Variants in INHBC observed in about 807,000 individuals in gnomAD.
The protein encoded by INHBC is inhibin subunit beta C.
INHBC carries 10 observed loss-of-function variants against 12.4 expected under a neutral mutation model. That is an observed-to-expected ratio of 0.81 (90% CI 0.50 to 1.37). The LOEUF is 1.37. Among genes scored for constraint, INHBC ranks in the 40% most tolerant of loss-of-function variants. The probability of loss-of-function intolerance (pLI) is 0.00; values close to 1 mark genes in which losing one functional copy is unlikely to be tolerated. For synonymous variants in INHBC, 147 were observed against 171.6 expected (o/e 0.86, Z 1.12); for missense variants, 382 against 439.4 (o/e 0.87, Z 1.17).
chr12:57,447,148 A>G (rs944388317), intron 1 of INHBC, among the ~76,000 whole-genome samples: 34 of 146,576 alleles, frequency 2.3e-4, no homozygotes, highest in African/African-American at 7.8e-4. Context: ...CTGGTGAGAC[A>G]AGGTATAGGG....
At chr12:57,445,492 A>AGAGGAT (rs1870553695) in intron 1 of INHBC, among the ~76,000 whole-genome samples, 1 of 152,244 alleles carries the variant, frequency 6.6e-6, no homozygotes, top group African/African-American at 2.4e-5. Flanking sequence ...ATTTCAAAGT[A>AGAGGAT]GAGGATAAAC....
chr12:57,443,596 T>C lies in INHBC; in HGVS notation c.314-5681T>C, dbSNP rs528936900. On this transcript the variant is annotated intron_variant, in intron 1 of 1. Coordinates refer to ENST00000309668, the MANE Select transcript of INHBC (RefSeq NM_005538.4). ...ACTGCGCCGGGCCTCATAAAACATT[T>C]TTCACTTAAAAAAAAAAATGGCTAA... 2.1e-4 allele frequency among the ~76,000 whole-genome samples: 32 copies of C among 152,158 alleles called. No individual in the cohort carries two copies. In the East Asian group the frequency reaches 6.0e-3, roughly 29 times the overall value.
rs1176904215 is a variant in INHBC at position 57,450,584 on chromosome 12, C to G, written c.*562C>G. The stretch of plus-strand genomic sequence containing the variant: ...TGTCCAGGTGAACTACTAAAGCTCT[C>G]TTTGCATACCTTCATCCATTTTTTG... On this transcript the variant is annotated 3_prime_UTR_variant, in exon 2 of 2. Transcript: ENST00000309668. 6.6e-6 allele frequency: 1 copy of G among 152,316 alleles called. No homozygotes were observed. The highest frequency in any genetic ancestry group is 2.4e-5 in the African/African-American group (1 of 41,446). 9.4% of individuals were successfully genotyped at this position (152,316 alleles called of 1,614,324 possible).
At position 57,449,294 on chromosome 12, in the gene INHBC, C is replaced by G; in HGVS notation, c.331C>G (p.Gln111Glu). The G allele has an allele frequency of 3.1e-6, 5 of 1,613,556 alleles. No homozygotes were observed. The highest frequency in any genetic ancestry group is 3.4e-6 in the Non-Finnish European group (4 of 1,179,658). ...GTCCACAGGCCTCTCCACCATCAACCAGACTCGTCTTGATTTTCACTTCTC... is the reference window on the plus strand; with the variant it reads ...GTCCACAGGCCTCTCCACCATCAACGAGACTCGTCTTGATTTTCACTTCTC... ...FAETGLSTIN[Q>E]TRLDFHFSSD... The change falls in exon 2 of 2, where the codon CAG becomes GAG. Residue 111 changes from glutamine to glutamate, a missense_variant. Gln to Glu is a conservative substitution (Grantham distance 29). Coordinates refer to ENST00000309668, the MANE Select transcript of INHBC (RefSeq NM_005538.4).
chr12:57,434,793 C>T lies in INHBC; in HGVS notation c.-94C>T. The T allele has an allele frequency of 1.7e-6, 2 of 1,201,968 alleles. No homozygotes were observed. The highest frequency in any genetic ancestry group is 2.4e-5 in the East Asian group (1 of 41,252). 74.5% of individuals were successfully genotyped at this position (1,201,968 alleles called of 1,614,324 possible). ...CATGCCAGCTGGACACACACTTCTT[C>T]CAGGGCCTCTGGCAGCCAGGACAGA... is the stretch of plus-strand genomic sequence containing the variant. On this transcript the variant is annotated 5_prime_UTR_variant, in exon 1 of 2. Coordinates refer to ENST00000309668, the MANE Select transcript of INHBC (RefSeq NM_005538.4).
In INHBC at chr12:57,434,847, GC is replaced by G. The variant is rs1454305330; in HGVS notation, c.-37del. On this transcript the variant is annotated 5_prime_UTR_variant, in exon 1 of 2. Transcript: ENST00000309668. ...GAGACCACAGCTGTTGAGACCCTGA[GC>G]CCTGAGTCTGTATTGCTCAAGAAGG... The G allele has an allele frequency of 6.4e-7, 1 of 1,561,120 alleles. No individual in the cohort carries two copies. Among genetic ancestry groups the G allele is most frequent in the South Asian group, 1.2e-5 (1 of 83,196 alleles).
In INHBC at chr12:57,450,872, T is replaced by C. The variant is rs568344118; in HGVS notation, c.*850T>C. On this transcript the variant is annotated 3_prime_UTR_variant, in exon 2 of 2. Transcript: ENST00000309668. ...GGGTCCTAAAGGCTTTCTATCTTGC[T>C]AGTCCCTGGGGCCTCAACATCTCAT... The C allele has an allele frequency of 6.6e-6, 1 of 152,458 alleles. No homozygotes were observed. Among genetic ancestry groups the C allele is most frequent in the East Asian group, 1.9e-4 (1 of 5,196 alleles). The allele number at this position is 152,458 out of a possible 1,614,324, so 9.4% of individuals were successfully genotyped here. A position where few individuals can be genotyped will look rare whatever the true frequency, so the allele number is the denominator to read the frequency against.
rs1156981493 is a variant in INHBC, at chr12:57,449,427, T to C, written c.464T>C (p.Leu155Pro). ...TWTLKVRVLVLGPHNTNLTLA... is the reference protein window; with the variant it reads ...TWTLKVRVLVPGPHNTNLTLA... ...ACCTTGAAAGTGAGAGTCCTTGTGC[T>C]GGGTCCACATAATACCAACCTCACC... The change falls in exon 2 of 2, where the codon CTG becomes CCG. Residue 155 changes from leucine (L) to proline (P), a missense_variant. Physicochemically the swap from Leu to Pro is moderately conservative, Grantham distance 98. Coordinates refer to ENST00000309668, the MANE Select transcript of INHBC (RefSeq NM_005538.4). 1 of 1,614,210 alleles carries C rather than the reference T, an allele frequency of 6.2e-7. No homozygotes were observed. Among genetic ancestry groups the C allele is most frequent in the Admixed American group, 1.7e-5 (1 of 60,018 alleles).
rs1870717743 is a variant in INHBC, at chr12:57,451,821, C to T, written c.*1799C>T. On this transcript the variant is annotated 3_prime_UTR_variant, in exon 2 of 2. Transcript: ENST00000309668. ...TCTAAGGAGGCCTTCTGGTGTCTCC[C>T]CCACACATCCCCGACCCCCAGATCT... The T allele has an allele frequency of 2.2e-6, 1 of 455,494 alleles. No homozygotes were observed. The highest frequency in any genetic ancestry group is 2.0e-5 in the African/African-American group (1 of 49,970). The allele number at this position is 455,494 out of a possible 1,614,324, so 28.2% of individuals were successfully genotyped here.
chr12:57,441,525 C>CA (rs574320537), intron 1 of INHBC, among the ~76,000 whole-genome samples: 1,343 of 54,830 alleles, frequency 0.024, 27 homozygotes, highest in African/African-American at 0.064. Flanking sequence ...AACTCCGTCT[C>CA]AAAAAAAAAA....
At chr12:57,446,251 A>T (rs1204024258) in intron 1 of INHBC, among the ~76,000 whole-genome samples, 1 of 151,880 alleles carries the variant, frequency 6.6e-6, no homozygotes, top group African/African-American at 2.4e-5. Context: ...ATTTTTTTTT[A>T]ATTAAAAAAA....
intron 1 of INHBC, among the ~76,000 whole-genome samples, chr12:57,438,536 A>G (rs953009255): frequency 1.3e-5 from 2 of 152,226 alleles, no homozygotes; most frequent in Non-Finnish European, 2.9e-5. Flanking sequence ...TCTTTAGAGA[A>G]TGGTGGCCAG....
rs1870695589 is a variant in INHBC, at chr12:57,450,749, G to C, written c.*727G>C. The C allele has an allele frequency of 6.6e-6, 1 of 152,230 alleles. No homozygotes were observed. The highest frequency in any genetic ancestry group is 2.4e-5 in the African/African-American group (1 of 41,364). The allele number at this position is 152,230 out of a possible 1,614,324, so 9.4% of individuals were successfully genotyped here. A position where few individuals can be genotyped will look rare whatever the true frequency, so the allele number is the denominator to read the frequency against. On this transcript the variant is annotated 3_prime_UTR_variant, in exon 2 of 2. Transcript: ENST00000309668. ...CTCTCTGTCTAGGTGTCATGGTTCT[G>C]TGTAACTGTGGCTATTCTGTGTCCC...
In INHBC at chr12:57,435,095, C is replaced by G. The variant is rs750239254; in HGVS notation, c.209C>G (p.Ala70Gly). The change falls in exon 1 of 2, where the codon GCT becomes GGT. Residue 70 changes from alanine to glycine, a missense_variant. Transcript: ENST00000309668. ...RPTLNRPVSR[A>G]ALRTALQHLH... ...ACACTGAACCGCCCTGTGTCCAGAG[C>G]TGCTTTGAGGACTGCACTGCAGCAC... is the stretch of plus-strand genomic sequence containing the variant. 1 of 1,614,082 alleles carries G rather than the reference C, an allele frequency of 6.2e-7. No individual in the cohort carries two copies. Among genetic ancestry groups the G allele is most frequent in the Non-Finnish European group, 8.5e-7 (1 of 1,180,046 alleles).
intron 1 of INHBC, among the ~76,000 whole-genome samples, chr12:57,447,784 C>T (rs1313973704): frequency 7.4e-6 from 1 of 134,850 alleles, no homozygotes; most frequent in African/African-American, 2.8e-5. Flanking sequence ...ATTGCTTGAA[C>T]CCGAGAGGCA....
At chr12:57,448,636 G>A (rs886389596) in intron 1 of INHBC, among the ~76,000 whole-genome samples, 1 of 150,700 alleles carries the variant, frequency 6.6e-6, no homozygotes, top group Non-Finnish European at 1.5e-5. Context: ...CCTTAATGTA[G>A]ACTAGAAGGA....
rs1290594473 is a variant in INHBC, at chr12:57,449,739, T to C, written c.776T>C (p.Ile259Thr). 6.2e-7 allele frequency: 1 copy of C among 1,614,248 alleles called. No homozygotes were observed. Among genetic ancestry groups the C allele is most frequent in the Non-Finnish European group, 8.5e-7 (1 of 1,180,034 alleles). ...RQEFFVDFRE[I>T]GWHDWIIQPE... ...GAGTTTTTTGTGGACTTCCGTGAGA[T>C]TGGCTGGCACGACTGGATCATCCAG... Residue 259 changes from isoleucine (I) to threonine (T), a missense_variant, in exon 2 of 2, where the codon ATT becomes ACT. Physicochemically the swap from Ile to Thr is moderately conservative, Grantham distance 89. Coordinates refer to ENST00000309668, the MANE Select transcript of INHBC (RefSeq NM_005538.4).
chr12:57,447,739 C>A (rs1338216381), intron 1 of INHBC, among the ~76,000 whole-genome samples: 2 of 145,806 alleles, frequency 1.4e-5, no homozygotes, highest in African/African-American at 2.5e-5. Flanking sequence ...ACAAAATTAG[C>A]TGGGTGCAGC....
chr12:57,442,987 G>A (rs1257558902), intron 1 of INHBC, among the ~76,000 whole-genome samples: 6 of 133,148 alleles, frequency 4.5e-5, no homozygotes, highest in Non-Finnish European at 7.8e-5. Flanking sequence ...GTGAGACTCC[G>A]TCTCAAAAAA....
Sources: gnomAD v4.1 joint callset for allele counts (sites outside exome capture counted in the v4.1 genomes callset) on GRCh38, gnomAD v4.1.1 for gene constraint, MANE v1.5 for transcripts, NCBI Gene and HGNC (gene_info 2026-07-23, HGNC 2026-07-21) for gene names.